CLIC4: variants seen among roughly 807,000 people sequenced by gnomAD.
The protein encoded by CLIC4 is chloride intracellular channel protein 4.
In CLIC4, 13 loss-of-function variants were observed where a neutral mutation model predicts 24.6. The ratio of observed to expected loss-of-function variants is 0.53; its 90% CI spans 0.34 to 0.84. CLIC4 has a LOEUF of 0.84. CLIC4 is among the 40% of genes least tolerant of loss of function. The probability of loss-of-function intolerance (pLI) is 0.01; values close to 1 mark genes in which losing one functional copy is unlikely to be tolerated. For missense variants in CLIC4, 227 were observed against 301.7 expected (o/e 0.75, Z 1.83); for synonymous variants, 104 against 111.3 (o/e 0.93, Z 0.41).
intron 3 of CLIC4, among the ~76,000 whole-genome samples, chr1:24,815,972 T>G (rs1385221642): frequency 2.6e-5 from 4 of 152,202 alleles, no homozygotes; most frequent in Non-Finnish European, 5.9e-5. Context: ...ACATTCTATC[T>G]CAAGAAACCA....
At chr1:24,785,775 C>T (rs1639258749) in intron 1 of CLIC4, among the ~76,000 whole-genome samples, 1 of 149,062 alleles carries the variant, frequency 6.7e-6, no homozygotes, top group Non-Finnish European at 1.5e-5. Flanking sequence ...TTGCTTGAAC[C>T]CAGGAGTCAG....
intron 1 of CLIC4, among the ~76,000 whole-genome samples, chr1:24,754,645 T>C (rs893827173): frequency 6.6e-6 from 1 of 152,162 alleles, no homozygotes; most frequent in African/African-American, 2.4e-5. Flanking sequence ...CCAAGGATGA[T>C]TTAAGACATG....
chr1:24,795,160 A>C (rs1277798657), intron 1 of CLIC4, among the ~76,000 whole-genome samples: 1 of 152,168 alleles, frequency 6.6e-6, no homozygotes, highest in Non-Finnish European at 1.5e-5. Flanking sequence ...ACAAACCTGC[A>C]CATAATACCC....
intron 1 of CLIC4, among the ~76,000 whole-genome samples, chr1:24,784,787 C>T (rs745787583): frequency 3.9e-5 from 6 of 151,956 alleles, no homozygotes; most frequent in African/African-American, 9.7e-5. Context: ...AGGCGGATCA[C>T]GAGGTCAGGA....
chr1:24,797,765 A>G lies in CLIC4; in HGVS notation c.96A>G (p.Ile32Met). The change falls in exon 2 of 6, where the codon ATA becomes ATG. Residue 32 changes from isoleucine to methionine, a missense_variant. Ile to Met is a conservative substitution (Grantham distance 10). Transcript: ENST00000374379. ...AGGCTGGCAGTGATGGTGAAAGCAT[A>G]GGAAACTGCCCCTTTTCCCAGAGGC... The part of the protein sequence containing the change: ...FVKAGSDGES[I>M]GNCPFSQRLF... 6.2e-7 allele frequency: 1 copy of G among 1,612,982 alleles called. No homozygotes were observed. The highest frequency in any genetic ancestry group is 1.3e-5 in the African/African-American group (1 of 74,974).
intron 3 of CLIC4, among the ~76,000 whole-genome samples, chr1:24,825,039 C>CA (rs58074741): frequency 7.1e-6 from 1 of 141,226 alleles, no homozygotes; most frequent in Non-Finnish European, 1.5e-5. Context: ...CACACACACA[C>CA]AAAAGTACAA....
At position 24,807,475 on chromosome 1, in the gene CLIC4, C is replaced by T. The variant is rs114645783; in HGVS notation, c.183-6619C>T. ...GGAAGGGGTTTTTATCCCTGACTCA[C>T]GTGGCCCCTGCTGCTGTGTCTTTCC... On this transcript the variant is annotated intron_variant, in intron 2 of 5. Coordinates refer to ENST00000374379, the MANE Select transcript of CLIC4 (RefSeq NM_013943.3). 7.8e-3 allele frequency among the ~76,000 whole-genome samples: 1,188 copies of T among 152,252 alleles called. 10 individuals are homozygous for T. The highest frequency in any genetic ancestry group is 0.027 in the African/African-American group (1,105 of 41,558).
At chr1:24,789,651 G>T (rs1639310570) in intron 1 of CLIC4, among the ~76,000 whole-genome samples, 2 of 151,936 alleles carry the variant, frequency 1.3e-5, no homozygotes, top group South Asian at 4.1e-4. Context: ...CCTTCGTTTG[G>T]CTTTTGAACC....
At chr1:24,789,184 G>A (rs1639305377) in intron 1 of CLIC4, among the ~76,000 whole-genome samples, 1 of 152,212 alleles carries the variant, frequency 6.6e-6, no homozygotes, top group Non-Finnish European at 1.5e-5. Flanking sequence ...ATGGCATCCA[G>A]TGAAGCCTTC....
chr1:24,843,506 T>G lies in CLIC4; in HGVS notation c.*2569T>G, dbSNP rs1038661016. On this transcript the variant is annotated 3_prime_UTR_variant, in exon 6 of 6. Transcript: ENST00000374379. ...CTGAATGGATCTGTTTTCCAAGAGA[T>G]TCTGAGAAATTTTTGTATTCAGCAG... The G allele has an allele frequency of 6.6e-6, 1 of 152,198 alleles. No homozygotes were observed. Among genetic ancestry groups the G allele is most frequent in the Non-Finnish European group, 1.5e-5 (1 of 68,006 alleles). 9.4% of individuals were successfully genotyped at this position (152,198 alleles called of 1,614,324 possible). A position where few individuals can be genotyped will look rare whatever the true frequency, so the allele number is the denominator to read the frequency against.
At chr1:24,749,227 T>TA (rs371078491) in intron 1 of CLIC4, among the ~76,000 whole-genome samples, 108 of 135,198 alleles carry the variant, frequency 8.0e-4, no homozygotes, top group South Asian at 1.9e-3. Context: ...AAATAAAAAT[T>TA]AAAAAAAAAA....
intron 4 of CLIC4, 125 bp downstream of exon 4, chr1:24,827,241 G>A (rs1232424388): frequency 6.6e-6 from 4 of 605,792 alleles, no homozygotes; most frequent in South Asian, 4.2e-5. Context: ...AATAAAAACT[G>A]TCTTTCAGAG....
intron 1 of CLIC4, among the ~76,000 whole-genome samples, chr1:24,775,134 ACAGT>A (rs2124105815): frequency 6.6e-6 from 1 of 151,088 alleles, no homozygotes; most frequent in Non-Finnish European, 1.5e-5. Flanking sequence ...TGATAATTCA[ACAGT>A]CATTCAAATT....
chr1:24,794,050 C>G (rs1335284164), intron 1 of CLIC4, among the ~76,000 whole-genome samples: 2 of 152,204 alleles, frequency 1.3e-5, no homozygotes, highest in Non-Finnish European at 2.9e-5. Flanking sequence ...TTCCAGCTCT[C>G]TTTCCTTCCC....
At chr1:24,753,974 C>G (rs1638810827) in intron 1 of CLIC4, among the ~76,000 whole-genome samples, 2 of 152,138 alleles carry the variant, frequency 1.3e-5, no homozygotes, top group African/African-American at 2.4e-5. Context: ...AAAGCTAACT[C>G]AATATTCAGA....
chr1:24,754,469 A>C (rs1338446334), intron 1 of CLIC4, among the ~76,000 whole-genome samples: 4 of 152,152 alleles, frequency 2.6e-5, no homozygotes, highest in Non-Finnish European at 5.9e-5. Context: ...AGTCCATAAA[A>C]GGAAAATGTG....
intron 4 of CLIC4, among the ~76,000 whole-genome samples, chr1:24,829,349 A>G (rs1639817626): frequency 6.6e-6 from 1 of 152,222 alleles, no homozygotes; most frequent in African/African-American, 2.4e-5. Flanking sequence ...CAAAGTAAAC[A>G]AGTAAAATGT....
chr1:24,775,108 C>T (rs963672430), intron 1 of CLIC4, among the ~76,000 whole-genome samples: 2 of 151,388 alleles, frequency 1.3e-5, no homozygotes, highest in Non-Finnish European at 2.9e-5. Context: ...TGTTTTCTGG[C>T]CTCCATTACT....
intron 1 of CLIC4, among the ~76,000 whole-genome samples, chr1:24,781,488 G>A (rs1450150449): frequency 6.6e-6 from 1 of 151,550 alleles, no homozygotes; most frequent in Non-Finnish European, 1.5e-5. Context: ...CCTGAAGCAC[G>A]GGTGTGGCAG....
Sources: gnomAD v4.1 joint callset for allele counts (sites outside exome capture counted in the v4.1 genomes callset) on GRCh38, gnomAD v4.1.1 for gene constraint, MANE v1.5 for transcripts, NCBI Gene and HGNC (gene_info 2026-07-23, HGNC 2026-07-21) for gene names.